KCTD8: variants seen among roughly 807,000 people sequenced by gnomAD.
KCTD8 encodes BTB/POZ domain-containing protein KCTD8.
In KCTD8, 27 loss-of-function variants were observed where a neutral mutation model predicts 31.5. That is an observed-to-expected ratio of 0.86 (90% CI 0.63 to 1.18). The LOEUF (loss-of-function observed/expected upper bound fraction) is 1.18. KCTD8 is among the 50% of genes most tolerant of loss of function. The pLI is 0.00. For missense variants in KCTD8, 658 were observed against 647.7 expected (o/e 1.02, Z -0.17); for synonymous variants, 290 against 280.0 (o/e 1.04, Z -0.36).
intron 1 of KCTD8, among the ~76,000 whole-genome samples, chr4:44,209,527 C>T (rs77717132): frequency 0.032 from 4,847 of 151,792 alleles, 261 homozygotes; most frequent in African/African-American, 0.11. Flanking sequence ...CACACACACA[C>T]ACACCCCACA....
chr4:44,385,236 T>C (rs1720178180), intron 1 of KCTD8, among the ~76,000 whole-genome samples: 1 of 151,648 alleles, frequency 6.6e-6, no homozygotes, highest in South Asian at 2.1e-4. Context: ...AAAATTCAGA[T>C]GGAATCTCAT....
intron 1 of KCTD8, among the ~76,000 whole-genome samples, chr4:44,289,232 T>A (rs1157994560): frequency 6.6e-6 from 1 of 151,214 alleles, no homozygotes; most frequent in South Asian, 2.1e-4. Flanking sequence ...ACATTACATA[T>A]TATTAAAATG....
chr4:44,392,621 G>A (rs1720401507), intron 1 of KCTD8, among the ~76,000 whole-genome samples: 2 of 151,872 alleles, frequency 1.3e-5, no homozygotes, highest in Non-Finnish European at 2.9e-5. Context: ...ACTCATAAAA[G>A]TACCATAAAA....
At position 44,254,141 on chromosome 4, in the gene KCTD8, T is replaced by C. The variant is rs555838492; in HGVS notation, c.962-78891A>G. Among the ~76,000 whole-genome samples, 13 of 152,076 alleles carry C rather than the reference T, an allele frequency of 8.5e-5. 1 individual carries two copies. The South Asian group carries it at 2.1e-3, about 24-fold the overall frequency. On this transcript the variant is annotated intron_variant, in intron 1 of 1. Transcript: ENST00000360029. ...GCAGAATATTGAAAACACTAACTGG[T>C]TTCTTTTAGCTGTGTACAAGAATGT... is the stretch of plus-strand genomic sequence containing the variant.
At chr4:44,344,110 G>T (rs1211976034) in intron 1 of KCTD8, among the ~76,000 whole-genome samples, 1 of 151,926 alleles carries the variant, frequency 6.6e-6, no homozygotes, top group South Asian at 2.1e-4. Context: ...ACCCACCTCC[G>T]CCTCCCAAAG....
Position 44,209,294 on chromosome 4 carries a change from A to G in KCTD8, c.962-34044T>C, listed in dbSNP as rs556920712. On this transcript the variant is annotated intron_variant, in intron 1 of 1. Transcript: ENST00000360029. ...AATATGAGATTCAGAACTTCTGTTC[A>G]AAGGCGAGATACCCCTAGGACATAT... Among the ~76,000 whole-genome samples, 15 of 152,268 alleles carry G rather than the reference A, an allele frequency of 9.9e-5. No individual in the cohort carries two copies. In the East Asian group the frequency reaches 2.7e-3, roughly 27 times the overall value.
At chr4:44,435,538 T>A (rs528098926) in intron 1 of KCTD8, among the ~76,000 whole-genome samples, 2 of 152,114 alleles carry the variant, frequency 1.3e-5, no homozygotes, top group South Asian at 4.1e-4. Context: ...ATTGATAACT[T>A]GCAAGTAAGC....
At chr4:44,421,159 A>C (rs1721201337) in intron 1 of KCTD8, among the ~76,000 whole-genome samples, 1 of 152,160 alleles carries the variant, frequency 6.6e-6, no homozygotes, top group Admixed American at 6.6e-5. Flanking sequence ...CCTATCATAA[A>C]GCCATTTTTA....
chr4:44,413,865 CAA>C (rs1721013963), intron 1 of KCTD8, among the ~76,000 whole-genome samples: 2 of 151,972 alleles, frequency 1.3e-5, no homozygotes, highest in Admixed American at 1.3e-4. Flanking sequence ...TCTTTATAAA[CAA>C]AAGAGAGGGA....
In KCTD8 at chr4:44,294,814, T is replaced by C. The variant is rs116559802; in HGVS notation, c.962-119564A>G. Among the ~76,000 whole-genome samples the C allele has an allele frequency of 8.4e-3, 1,279 of 152,150 alleles. 21 individuals are homozygous for C. The highest frequency in any genetic ancestry group is 0.029 in the African/African-American group (1,193 of 41,502). ...GTATACAGAACAGATTAAGGTAGAG[T>C]TGATTTGCTAAAAGCAGAGTGAGAG... On this transcript the variant is annotated intron_variant, in intron 1 of 1. Transcript: ENST00000360029.
At position 44,436,696 on chromosome 4, in the gene KCTD8, C is replaced by T. The variant is rs548324847; in HGVS notation, c.961+10867G>A. Among the ~76,000 whole-genome samples the T allele has an allele frequency of 4.6e-5, 7 of 152,066 alleles. No individual in the cohort carries two copies. In the South Asian group the frequency reaches 1.2e-3, roughly 27 times the overall value. On this transcript the variant is annotated intron_variant, in intron 1 of 1. Coordinates refer to ENST00000360029, the MANE Select transcript of KCTD8 (RefSeq NM_198353.3). ...AAAAAGAAACAGACATGAAGTGATG[C>T]TTTGGTTATTGTTGAAATTAGGAGG...
chr4:44,200,211 G>T (rs1200671344), intron 1 of KCTD8, among the ~76,000 whole-genome samples: 2 of 150,882 alleles, frequency 1.3e-5, no homozygotes, highest in East Asian at 1.9e-4. Flanking sequence ...TGTATTTACA[G>T]CCATATTCTA....
chr4:44,238,200 C>G (rs544094387), intron 1 of KCTD8, among the ~76,000 whole-genome samples: 26 of 152,134 alleles, frequency 1.7e-4, no homozygotes, highest in South Asian at 1.0e-3. Context: ...TTCTCCCCGC[C>G]CTACACTAGT....
At chr4:44,324,591 A>T (rs1055400235) in intron 1 of KCTD8, among the ~76,000 whole-genome samples, 1 of 152,072 alleles carries the variant, frequency 6.6e-6, no homozygotes, top group Non-Finnish European at 1.5e-5. Context: ...TTTCGATCTT[A>T]AAGTTGACTA....
At chr4:44,409,007 C>A (rs1720889446) in intron 1 of KCTD8, among the ~76,000 whole-genome samples, 3 of 151,620 alleles carry the variant, frequency 2.0e-5, no homozygotes, top group African/African-American at 7.2e-5. Context: ...CTTTGGGAGA[C>A]CGAGGTGGGA....
chr4:44,268,868 C>G lies in KCTD8; in HGVS notation c.962-93618G>C, dbSNP rs575848668. On this transcript the variant is annotated intron_variant, in intron 1 of 1. Transcript: ENST00000360029. ...GGACCTCTTCAAGGAGAACTACAAA[C>G]CACTGCTCAATGAAATAAAAGAGGA... Among the ~76,000 whole-genome samples, 3 of 152,136 alleles carry G rather than the reference C, an allele frequency of 2.0e-5. No individual in the cohort carries two copies. In the South Asian group the frequency reaches 6.2e-4, roughly 32 times the overall value.
intron 1 of KCTD8, among the ~76,000 whole-genome samples, chr4:44,424,707 T>C (rs1721303693): frequency 6.6e-6 from 1 of 151,950 alleles, no homozygotes; most frequent in African/African-American, 2.4e-5. Context: ...GAAAATGATA[T>C]AAACCCTAAA....
At chr4:44,239,185 C>A (rs764847550) in intron 1 of KCTD8, among the ~76,000 whole-genome samples, 2 of 152,172 alleles carry the variant, frequency 1.3e-5, no homozygotes, top group Admixed American at 6.5e-5. Flanking sequence ...CAATTCAAAT[C>A]TAAGATAGTC....
chr4:44,175,774 C>T (rs865878890), intron 1 of KCTD8, among the ~76,000 whole-genome samples: 2 of 152,096 alleles, frequency 1.3e-5, no homozygotes, highest in African/African-American at 4.8e-5. Context: ...TTTATGCTTC[C>T]AAAGGGGAGG....
Sources: gnomAD v4.1 joint callset for allele counts (sites outside exome capture counted in the v4.1 genomes callset) on GRCh38, gnomAD v4.1.1 for gene constraint, MANE v1.5 for transcripts, NCBI Gene and HGNC (gene_info 2026-07-23, HGNC 2026-07-21) for gene names.